ATP10B: variants seen among roughly 807,000 people sequenced by gnomAD.
ATP10B encodes the protein phospholipid-transporting ATPase VB.
A neutral mutation model predicts 141.2 loss-of-function variants in ATP10B; 122 were observed. The observed-to-expected ratio is 0.86, with a 90% CI of 0.75 to 1.00. ATP10B has a LOEUF of 1.00. Among genes scored for constraint, ATP10B ranks in the 50% least tolerant of loss-of-function variants. The pLI, the probability that ATP10B is intolerant of heterozygous loss-of-function variation, is 0.00. For synonymous variants in ATP10B, 685 were observed against 692.0 expected (o/e 0.99, Z 0.16); for missense variants, 1,876 against 1,825.3 (o/e 1.03, Z -0.51).
intron 24 of ATP10B, among the ~76,000 whole-genome samples, 187 bp from the exon 25 acceptor site, chr5:160,569,870 C>T (rs1754766215): frequency 6.6e-6 from 1 of 152,132 alleles, no homozygotes; most frequent in Non-Finnish European, 1.5e-5. Flanking sequence ...TAGAATTGAA[C>T]ACACATACCC....
chr5:160,574,520 A>G (rs1755069767), intron 24 of ATP10B, among the ~76,000 whole-genome samples: 1 of 152,154 alleles, frequency 6.6e-6, no homozygotes, highest in African/African-American at 2.4e-5. Flanking sequence ...TTTTGATATC[A>G]GTTATTATAG....
At chr5:160,747,644 C>T (rs139914175) in intron 2 of ATP10B, among the ~76,000 whole-genome samples, 107 of 152,204 alleles carry the variant, frequency 7.0e-4, no homozygotes, top group African/African-American at 2.5e-3. Context: ...ATGGAAGGAT[C>T]CCCACTTAGA....
chr5:160,581,756 G>T (rs1035358153), intron 24 of ATP10B, among the ~76,000 whole-genome samples: 17 of 152,156 alleles, frequency 1.1e-4, no homozygotes, highest in African/African-American at 3.9e-4. Flanking sequence ...GGGTATTAAA[G>T]CCTCCCATTA....
chr5:160,578,939 G>C (rs535596402), intron 24 of ATP10B, among the ~76,000 whole-genome samples: 2 of 152,330 alleles, frequency 1.3e-5, no homozygotes, highest in African/African-American at 4.8e-5. Context: ...GACCAGTGAT[G>C]ATGAGCTTTT....
At chr5:160,672,264 A>G (rs1439746021) in intron 6 of ATP10B, among the ~76,000 whole-genome samples, 1 of 152,186 alleles carries the variant, frequency 6.6e-6, no homozygotes, top group Non-Finnish European at 1.5e-5. Flanking sequence ...GGCGTGAGCT[A>G]CTGCTCCTGG....
At chr5:160,888,199 A>G in the ATP10B span, among the ~76,000 whole-genome samples, 12 of 152,220 alleles carry the variant, frequency 7.9e-5, no homozygotes, top group South Asian at 4.1e-4. Context: ...TACCATAAAT[A>G]TGTGAGAAGT....
In ATP10B at chr5:160,617,889, A is replaced by G; in HGVS notation, c.2501T>C (p.Leu834Pro). 1.9e-6 allele frequency: 3 copies of G among 1,614,196 alleles called. No homozygotes were observed. The highest frequency in any genetic ancestry group is 2.5e-6 in the Non-Finnish European group (3 of 1,179,988). The change falls in exon 16 of 26, where the codon CTG (leucine) becomes CCG (proline). Residue 834 changes from leucine (L) to proline (P), a missense_variant. Coordinates refer to ENST00000327245, the MANE Select transcript of ATP10B (RefSeq NM_025153.3). ...CTTCTTGGCAATGCATAGTGTGCGC[A>G]GGCCATCTCTTGCATACAAGTCTAG... ...KHLDLYARDGLRTLCIAKKVV... is the reference protein window; with the variant it reads ...KHLDLYARDGPRTLCIAKKVV...
At chr5:160,888,895 A>C in the ATP10B span, among the ~76,000 whole-genome samples, 1 of 152,214 alleles carries the variant, frequency 6.6e-6, no homozygotes. Context: ...AGAATCCATT[A>C]AAAGTGTTGC....
At chr5:160,806,288 CA>C (rs1772766341) in intron 1 of ATP10B, among the ~76,000 whole-genome samples, 1 of 152,124 alleles carries the variant, frequency 6.6e-6, no homozygotes, top group Non-Finnish European at 1.5e-5. Flanking sequence ...AGAGAGTTGC[CA>C]GTCCAATTAC....
intron 1 of ATP10B, among the ~76,000 whole-genome samples, chr5:160,823,919 A>G (rs1037643880): frequency 1.3e-5 from 2 of 152,238 alleles, no homozygotes; most frequent in African/African-American, 4.8e-5. Flanking sequence ...AATTAAAATG[A>G]AAAGCCCCAA....
chr5:160,761,179 G>T (rs1327455746), intron 2 of ATP10B, among the ~76,000 whole-genome samples: 17 of 152,140 alleles, frequency 1.1e-4, no homozygotes. Context: ...GCAACACCAT[G>T]GCTAACCAGA....
chr5:160,877,817 C>A, the ATP10B span, among the ~76,000 whole-genome samples: 3 of 125,406 alleles, frequency 2.4e-5, no homozygotes, highest in African/African-American at 5.1e-5. Context: ...ACCTAGGAAT[C>A]CAACTTACAA....
chr5:160,597,182 G>A (rs1182708216), intron 22 of ATP10B, among the ~76,000 whole-genome samples: 1 of 152,108 alleles, frequency 6.6e-6, no homozygotes, highest in African/African-American at 2.4e-5. Context: ...GCATGGTACT[G>A]GTACCAAAAC....
intron 2 of ATP10B, among the ~76,000 whole-genome samples, chr5:160,774,616 CTT>C (rs1491075980): frequency 1.3e-5 from 2 of 152,130 alleles, no homozygotes; most frequent in African/African-American, 4.8e-5. Context: ...CCTGAGGTGA[CTT>C]ATGTGTTGGG....
At chr5:160,726,480 C>T (rs1029712725) in intron 2 of ATP10B, among the ~76,000 whole-genome samples, 4 of 152,190 alleles carry the variant, frequency 2.6e-5, no homozygotes, top group Non-Finnish European at 5.9e-5. Context: ...CTTTGTTAAA[C>T]AGATGCCATC....
the ATP10B span, among the ~76,000 whole-genome samples, chr5:160,882,832 C>T: frequency 6.6e-6 from 1 of 152,070 alleles, no homozygotes; most frequent in African/African-American, 2.4e-5. Context: ...GTTCACACAA[C>T]ACAACTAAGC....
intron 20 of ATP10B, chr5:160,603,623 C>T (rs1581186341): frequency 3.7e-6 from 1 of 271,804 alleles, no homozygotes; most frequent in East Asian, 7.0e-5. Context: ...GCTTCCCAGT[C>T]AATGCTCTCT....
intron 2 of ATP10B, among the ~76,000 whole-genome samples, chr5:160,772,673 T>A (rs1769991334): frequency 6.6e-6 from 1 of 152,174 alleles, no homozygotes; most frequent in Non-Finnish European, 1.5e-5. Context: ...CTGCCAGTGA[T>A]CTGACAGGGG....
At chr5:160,592,986 G>A (rs917751437) in intron 22 of ATP10B, among the ~76,000 whole-genome samples, 1 of 152,254 alleles carries the variant, frequency 6.6e-6, no homozygotes, top group African/African-American at 2.4e-5. Context: ...TCTGGGGGCA[G>A]GCCACAGATG....
Sources: allele counts gnomAD v4.1 joint callset (sites outside exome capture counted in the v4.1 genomes callset), GRCh38; gene constraint gnomAD v4.1.1; transcripts MANE v1.5; gene names NCBI Gene and HGNC (gene_info 2026-07-23, HGNC 2026-07-21).